PTPRN2: variants seen among roughly 807,000 people sequenced by gnomAD.
PTPRN2 encodes receptor-type tyrosine-protein phosphatase N2.
A neutral mutation model predicts 118.8 loss-of-function variants in PTPRN2; 74 were observed. The observed-to-expected ratio is 0.62, with a 90% CI of 0.52 to 0.76. PTPRN2 has a LOEUF of 0.76. PTPRN2 is among the 30% of genes least tolerant of loss of function. The pLI is 0.00. For missense variants in PTPRN2, 1,481 were observed against 1,394.4 expected (o/e 1.06, Z -0.99); for synonymous variants, 641 against 608.0 (o/e 1.05, Z -0.80).
intron 3 of PTPRN2, among the ~76,000 whole-genome samples, chr7:158,311,279 A>G (rs1317702049): frequency 6.6e-6 from 1 of 152,212 alleles, no homozygotes; most frequent in Non-Finnish European, 1.5e-5. Context: ...TTAAGGAATG[A>G]TAACACTGTT....
intron 12 of PTPRN2, among the ~76,000 whole-genome samples, chr7:157,719,015 C>T (rs1043546867): frequency 9.2e-5 from 14 of 151,988 alleles, no homozygotes; most frequent in Non-Finnish European, 1.3e-4. Flanking sequence ...CTCCTGCAGG[C>T]GTCTCTGGCC....
At chr7:158,203,181 A>C (rs189431500) in intron 4 of PTPRN2, among the ~76,000 whole-genome samples, 56 of 145,244 alleles carry the variant, frequency 3.9e-4, no homozygotes, top group African/African-American at 1.3e-3. Flanking sequence ...GTAGTGAGCC[A>C]AGATCGTGCC....
chr7:157,951,165 G>A lies in PTPRN2; in HGVS notation c.1724-52428C>T, dbSNP rs144962404. Among the ~76,000 whole-genome samples, 7 of 152,232 alleles carry A rather than the reference G, an allele frequency of 4.6e-5. No individual in the cohort carries two copies. In the East Asian group the frequency reaches 1.4e-3, roughly 29 times the overall value. On this transcript the variant is annotated intron_variant, in intron 11 of 22. Coordinates refer to ENST00000389418, the MANE Select transcript of PTPRN2 (RefSeq NM_002847.5). ...CTGACCAACCAGCCTCACTCTCAGAGACAAGGATGAAACGCATATGAATAT... is the reference window on the plus strand; with the variant it reads ...CTGACCAACCAGCCTCACTCTCAGAAACAAGGATGAAACGCATATGAATAT...
rs1050546545 is a variant in PTPRN2, at chr7:158,526,977, C to G, written c.113-37192G>C. On this transcript the variant is annotated intron_variant, in intron 1 of 22. Transcript: ENST00000389418. The surrounding 1 kb of genome is among the most constrained non-coding windows in gnomAD (Gnocchi z 5.2). ...ACACAATGAAGATAGAGTTGGTGAC[C>G]TCCTCAAACCTTCATAAAGGCATAA... Among the ~76,000 whole-genome samples, 1 of 152,098 alleles carries G rather than the reference C, an allele frequency of 6.6e-6. No individual in the cohort carries two copies. Among genetic ancestry groups the G allele is most frequent in the African/African-American group, 2.4e-5 (1 of 41,416 alleles).
At chr7:158,183,738 T>A (rs142114763) in intron 5 of PTPRN2, among the ~76,000 whole-genome samples, 336 of 152,316 alleles carry the variant, frequency 2.2e-3, no homozygotes, top group South Asian at 4.8e-3. Context: ...AGGCAGTGTC[T>A]CCCCCTCACA....
chr7:158,330,797 T>C (rs1804217529), intron 2 of PTPRN2, among the ~76,000 whole-genome samples: 1 of 109,240 alleles, frequency 9.2e-6, no homozygotes, highest in Admixed American at 1.0e-4. Context: ...ACACCCACAC[T>C]CTCACCATAA....
chr7:158,270,783 A>C (rs758007639), intron 3 of PTPRN2, among the ~76,000 whole-genome samples: 4,295 of 51,094 alleles, frequency 0.084, 459 homozygotes, highest in African/African-American at 0.16. Flanking sequence ...CACCTGGACC[A>C]CCCCTCCACC....
chr7:158,428,611 G>C (rs1451945388), intron 2 of PTPRN2, among the ~76,000 whole-genome samples: 3 of 152,104 alleles, frequency 2.0e-5, no homozygotes, highest in Non-Finnish European at 4.4e-5. Context: ...TATAATTTTA[G>C]TACCTGCAAG....
At chr7:158,267,142 G>T (rs1586047814) in intron 3 of PTPRN2, among the ~76,000 whole-genome samples, 2 of 152,240 alleles carry the variant, frequency 1.3e-5, no homozygotes, top group African/African-American at 2.4e-5. Flanking sequence ...ATCTAGAAAT[G>T]TTGACACTTT....
intron 11 of PTPRN2, among the ~76,000 whole-genome samples, chr7:158,064,010 C>T (rs1810565332): frequency 6.6e-6 from 1 of 152,206 alleles, no homozygotes; most frequent in Admixed American, 6.5e-5. Context: ...GACACGGGCT[C>T]ATACAGCAAG....
intron 11 of PTPRN2, among the ~76,000 whole-genome samples, chr7:157,927,560 C>CA (rs111430762): frequency 2.6e-5 from 2 of 78,404 alleles, no homozygotes; most frequent in Admixed American, 1.6e-4. Flanking sequence ...TCTGGGACCC[C>CA]AAGACAGGAA....
chr7:157,839,388 TG>T (rs1381046686), intron 12 of PTPRN2, among the ~76,000 whole-genome samples: 1 of 150,494 alleles, frequency 6.6e-6, no homozygotes, highest in Non-Finnish European at 1.5e-5. Context: ...GTGTATGTGG[TG>T]GAGTGTGTGT....
rs138358899 is a variant in PTPRN2 at position 158,146,938 on chromosome 7, G to A, written c.911-8423C>T. On this transcript the variant is annotated intron_variant, in intron 6 of 22. Coordinates refer to ENST00000389418, the MANE Select transcript of PTPRN2 (RefSeq NM_002847.5). ...TGAATGACACCCCATCTCACGCCAC[G>A]TGTCTTTCCCCCTCAATGACACCCC... Among the ~76,000 whole-genome samples, 1,135 of 117,516 alleles carry A rather than the reference G, an allele frequency of 9.7e-3. 71 individuals carry two copies. The highest frequency in any genetic ancestry group is 0.037 in the African/African-American group (1,056 of 28,560). 77.1% of individuals were successfully genotyped at this position (117,516 alleles called of 152,430 possible).
At chr7:157,843,159 A>T (rs1808557676) in intron 12 of PTPRN2, among the ~76,000 whole-genome samples, 1 of 152,252 alleles carries the variant, frequency 6.6e-6, no homozygotes, top group African/African-American at 2.4e-5. Flanking sequence ...TATTGAGTGG[A>T]TAATGTAGCC....
At chr7:157,873,342 C>T (rs142334865) in intron 12 of PTPRN2, among the ~76,000 whole-genome samples, 255 of 152,364 alleles carry the variant, frequency 1.7e-3, no homozygotes, top group Non-Finnish European at 3.1e-3. Flanking sequence ...GGATGGGATA[C>T]GCTTCCCAGT....
chr7:157,839,976 C>A (rs1404662766), intron 12 of PTPRN2, among the ~76,000 whole-genome samples: 1 of 144,892 alleles, frequency 6.9e-6, no homozygotes, highest in South Asian at 2.3e-4. Flanking sequence ...GACTGTGTGA[C>A]CACATTTGAC....
intron 3 of PTPRN2, among the ~76,000 whole-genome samples, chr7:158,281,658 T>G (rs1251231272): frequency 6.6e-6 from 1 of 152,060 alleles, no homozygotes; most frequent in Admixed American, 6.6e-5. Flanking sequence ...AACGCTCAGG[T>G]GTGTGGCATG....
At chr7:158,280,861 G>A (rs772643099) in intron 3 of PTPRN2, among the ~76,000 whole-genome samples, 14 of 152,316 alleles carry the variant, frequency 9.2e-5, no homozygotes, top group African/African-American at 2.4e-4. Context: ...GAGGCCTCAC[G>A]GCAGCTGTGC....
intron 1 of PTPRN2, among the ~76,000 whole-genome samples, chr7:158,543,342 C>T (rs1449735977): frequency 6.6e-6 from 1 of 152,234 alleles, no homozygotes; most frequent in Non-Finnish European, 1.5e-5. Context: ...GCTCAGCCAC[C>T]CACAACGGCC....
Sources: gnomAD v4.1 joint callset for allele counts (sites outside exome capture counted in the v4.1 genomes callset) on GRCh38, gnomAD v4.1.1 for gene constraint, Gnocchi (gnomAD v3.1) non-coding constraint, MANE v1.5 for transcripts, NCBI Gene and HGNC (gene_info 2026-07-23, HGNC 2026-07-21) for gene names.